The following NXPE2 variants were observed in gnomAD, a reference collection of about 807,000 sequenced individuals.
NXPE2 encodes NXPE family member 2.
In NXPE2, 34 loss-of-function variants were observed where a neutral mutation model predicts 34.4. The ratio of observed to expected loss-of-function variants is 0.99; its 90% CI spans 0.75 to 1.31. NXPE2 has a LOEUF of 1.31. Ranked by LOEUF, NXPE2 falls within the 40% of genes most tolerant of loss-of-function variation. The pLI is 0.00. For synonymous variants in NXPE2, 235 were observed against 231.3 expected, an observed-to-expected ratio of 1.02 and a Z score of -0.15; for missense variants, 649 against 672.5, an observed-to-expected ratio of 0.97 and a Z score of 0.39.
At position 114,698,509 on chromosome 11, in the gene NXPE2, G is replaced by C. The variant is rs758483853; in HGVS notation, c.597G>C (p.Gly199=). ...TGCTGCTCATCCACCCCAGTGAAGG[G>C]GTATCAGCTCTCTGGAGGGCAAGGA... is the stretch of plus-strand genomic sequence containing the variant. The part of the protein sequence containing the change: ...LSLLLIHPSE[G]VSALWRARNQ... The change falls in exon 3 of 6, where the codon GGG becomes GGC. Residue 199 remains glycine (G), a synonymous_variant. Coordinates refer to ENST00000389586, the MANE Select transcript of NXPE2 (RefSeq NM_182495.6). 5.0e-6 allele frequency: 8 copies of C among 1,614,078 alleles called. No homozygotes were observed. Among genetic ancestry groups the C allele is most frequent in the Non-Finnish European group, 2.5e-6 (3 of 1,179,960 alleles).
chr11:114,551,447 A>G, the NXPE2 span: 2 of 1,240,970 alleles, frequency 1.6e-6, no homozygotes. Flanking sequence ...GGACCCTGAA[A>G]TGGAAGTCAA....
the NXPE2 span, among the ~76,000 whole-genome samples, chr11:114,468,362 T>TATGCCA: frequency 6.6e-6 from 1 of 152,154 alleles, no homozygotes; most frequent in Admixed American, 6.5e-5. Flanking sequence ...TATGGCCACA[T>TATGCCA]CAAGTAGTAG....
At chr11:114,480,475 C>T in the NXPE2 span, among the ~76,000 whole-genome samples, 1 of 152,168 alleles carries the variant, frequency 6.6e-6, no homozygotes, top group African/African-American at 2.4e-5. Context: ...GCCACCTTTC[C>T]TGCTGCATGT....
At chr11:114,776,207 T>C in the NXPE2 span, among the ~76,000 whole-genome samples, 10 of 152,188 alleles carry the variant, frequency 6.6e-5, no homozygotes, top group African/African-American at 2.4e-4. Flanking sequence ...CATCCTCTGA[T>C]CCAGCGGCCC....
the NXPE2 span, among the ~76,000 whole-genome samples, chr11:114,629,153 C>A: frequency 2.0e-5 from 3 of 151,954 alleles, no homozygotes; most frequent in East Asian, 1.9e-4. Context: ...AAAGAGGGAA[C>A]CCTCCCTAAC....
the NXPE2 span, chr11:114,529,938 A>C: frequency 2.2e-5 from 10 of 462,418 alleles, no homozygotes; most frequent in Non-Finnish European, 2.6e-5. Flanking sequence ...TTTCAGTGGA[A>C]CATCTGTGAA....
chr11:114,507,239 C>T, the NXPE2 span, among the ~76,000 whole-genome samples: 1 of 124,782 alleles, frequency 8.0e-6, no homozygotes, highest in Non-Finnish European at 1.6e-5. Context: ...AATAGCCTGC[C>T]AACCAACCAA....
At chr11:114,478,067 C>A in the NXPE2 span, among the ~76,000 whole-genome samples, 1 of 151,932 alleles carries the variant, frequency 6.6e-6, no homozygotes, top group African/African-American at 2.4e-5. Flanking sequence ...TTGACACTGC[C>A]CCCTCCCCCA....
At chr11:114,788,010 G>A in the NXPE2 span, among the ~76,000 whole-genome samples, 1 of 152,164 alleles carries the variant, frequency 6.6e-6, no homozygotes, top group Admixed American at 6.5e-5. Context: ...CCAGCCCCAG[G>A]ACATTCAGAG....
the NXPE2 span, among the ~76,000 whole-genome samples, chr11:114,605,734 C>T: frequency 6.6e-6 from 1 of 151,926 alleles, no homozygotes; most frequent in Admixed American, 6.6e-5. Flanking sequence ...CCACTTTGCC[C>T]AGTGGATAAT....
the NXPE2 span, among the ~76,000 whole-genome samples, chr11:114,806,771 G>T: frequency 6.6e-6 from 1 of 151,790 alleles, no homozygotes; most frequent in African/African-American, 2.4e-5. Context: ...CACTCTGCAG[G>T]ATATTATCCA....
At chr11:114,679,831 C>T in intron 2 of NXPE2, 69 bp downstream of exon 2, 1 of 871,316 alleles carries the variant, frequency 1.1e-6, no homozygotes, top group Non-Finnish European at 1.8e-6. Flanking sequence ...CCCCCTTTAT[C>T]ATGGCAAGAA....
the NXPE2 span, among the ~76,000 whole-genome samples, chr11:114,798,505 T>G: frequency 3.3e-5 from 5 of 152,164 alleles, no homozygotes; most frequent in Non-Finnish European, 7.3e-5. Flanking sequence ...TGCCTCAGCC[T>G]CCTCAGTAGC....
intron 2 of NXPE2, among the ~76,000 whole-genome samples, chr11:114,691,260 T>C (rs1238324706): frequency 6.6e-6 from 1 of 152,154 alleles, no homozygotes; most frequent in Non-Finnish European, 1.5e-5. Context: ...CTTGATTTTT[T>C]CTTTCTTTTT....
chr11:114,772,537 G>A, the NXPE2 span, among the ~76,000 whole-genome samples: 1 of 152,216 alleles, frequency 6.6e-6, no homozygotes, highest in East Asian at 1.9e-4. Context: ...TTTTGGAACA[G>A]TGCTAGCTTC....
the NXPE2 span, chr11:114,522,592 T>C: frequency 0.67 from 721,784 of 1,080,016 alleles, 245,071 homozygotes; most frequent in African/African-American, 0.88. Context: ...ATACCCACCC[T>C]ACCTAGATAA....
At chr11:114,791,919 A>G in the NXPE2 span, among the ~76,000 whole-genome samples, 248 of 152,212 alleles carry the variant, frequency 1.6e-3, 2 homozygotes, top group Middle Eastern at 6.8e-3. Flanking sequence ...TTAGCCGGGC[A>G]TGGTGGTGGG....
the NXPE2 span, among the ~76,000 whole-genome samples, chr11:114,491,610 AG>A: frequency 6.6e-6 from 1 of 152,190 alleles, no homozygotes; most frequent in African/African-American, 2.4e-5. Context: ...GCGATTCCTC[AG>A]GGATCTAGAA....
chr11:114,762,342 C>T, the NXPE2 span, among the ~76,000 whole-genome samples: 24 of 152,118 alleles, frequency 1.6e-4, no homozygotes, highest in African/African-American at 5.1e-4. Flanking sequence ...GTGTCTTTCA[C>T]AGCCTGATAT....
Sources: gnomAD v4.1 joint callset for allele counts (sites outside exome capture counted in the v4.1 genomes callset) on GRCh38, gnomAD v4.1.1 for gene constraint, MANE v1.5 for transcripts, NCBI Gene and HGNC (gene_info 2026-07-23, HGNC 2026-07-21) for gene names.